The following KLF8 variants were observed in gnomAD, a reference collection of about 807,000 sequenced individuals.
KLF8 encodes the protein Krueppel-like factor 8.
Under a neutral mutation model 18.2 loss-of-function variants are expected in KLF8, and 10 were observed. The observed-to-expected ratio is 0.55, with a 90% CI of 0.34 to 0.93. The LOEUF (loss-of-function observed/expected upper bound fraction) is 0.93. Among genes scored for constraint, KLF8 ranks in the 40% least tolerant of loss-of-function variants. The probability of loss-of-function intolerance (pLI) is 0.02; values close to 1 mark genes in which losing one functional copy is unlikely to be tolerated. For missense variants in KLF8, 264 were observed against 277.9 expected (o/e 0.95, Z 0.36); for synonymous variants, 109 against 97.3 (o/e 1.12, Z -0.71).
the KLF8 span, among the ~76,000 whole-genome samples, chrX:56,207,292 C>T: frequency 1.2e-4 from 14 of 112,665 alleles, no homozygotes; most frequent in African/African-American, 4.2e-4. Context: ...TGAATTTCTC[C>T]TCAGAAAATG....
At chrX:56,132,032 T>C in the KLF8 span, among the ~76,000 whole-genome samples, 25 of 111,186 alleles carry the variant, frequency 2.2e-4, no homozygotes, top group African/African-American at 7.5e-4. Flanking sequence ...GGCAACACAA[T>C]AATAGTGGGG....
At chrX:56,152,442 T>C in the KLF8 span, among the ~76,000 whole-genome samples, 1 of 111,106 alleles carries the variant, frequency 9.0e-6, no homozygotes, top group East Asian at 2.8e-4. Context: ...TAGTGACTTC[T>C]TTGAGACTTT....
At chrX:56,002,550 C>G in the KLF8 span, among the ~76,000 whole-genome samples, 1 of 111,066 alleles carries the variant, frequency 9.0e-6, no homozygotes, top group Non-Finnish European at 1.9e-5. Context: ...TTGTTTCTAG[C>G]ACATGATTGA....
chrX:56,082,949 C>G, the KLF8 span, among the ~76,000 whole-genome samples: 1 of 112,008 alleles, frequency 8.9e-6, no homozygotes, highest in African/African-American at 3.2e-5. Context: ...ATTTTTCTGA[C>G]TACTTTCAAG....
the KLF8 span, among the ~76,000 whole-genome samples, chrX:56,139,422 C>A: frequency 9.0e-6 from 1 of 111,699 alleles, no homozygotes; most frequent in South Asian, 3.7e-4. Context: ...TGACACTAAC[C>A]AAAATAGCAT....
chrX:56,117,711 G>A, the KLF8 span, among the ~76,000 whole-genome samples: 1 of 112,136 alleles, frequency 8.9e-6, no homozygotes, highest in South Asian at 3.7e-4. Context: ...CTGTCTTTTA[G>A]TGTTTCTTCA....
chrX:56,275,365 C>T (rs183635042), intron 5 of KLF8, among the ~76,000 whole-genome samples: 75 of 111,547 alleles, frequency 6.7e-4, no homozygotes, highest in African/African-American at 2.3e-3. Context: ...TATAACTTTA[C>T]TAATTTTTTT....
At chrX:56,147,059 AAAG>A in the KLF8 span, among the ~76,000 whole-genome samples, 23 of 111,917 alleles carry the variant, frequency 2.1e-4, no homozygotes, top group African/African-American at 7.5e-4. Context: ...CTGGTGGAAG[AAAG>A]AAGAAGGTAT....
the KLF8 span, among the ~76,000 whole-genome samples, chrX:55,963,446 C>T: frequency 5.4e-5 from 6 of 111,509 alleles, no homozygotes; most frequent in Non-Finnish European, 9.4e-5. Flanking sequence ...GTGCTGCCAG[C>T]TGGGATCAAG....
chrX:55,983,591 G>T, the KLF8 span, among the ~76,000 whole-genome samples: 1 of 111,989 alleles, frequency 8.9e-6, no homozygotes, highest in Admixed American at 9.5e-5. Flanking sequence ...ATTTCTATTT[G>T]TGGTTGATAA....
chrX:56,244,524 C>T (rs778062749), intron 1 of KLF8, among the ~76,000 whole-genome samples: 10 of 111,530 alleles, frequency 9.0e-5, no homozygotes, highest in Non-Finnish European at 1.7e-4. Context: ...AATAATGGTG[C>T]CTACTACTAG....
chrX:56,102,467 G>C, the KLF8 span, among the ~76,000 whole-genome samples: 1 of 111,282 alleles, frequency 9.0e-6, no homozygotes, highest in Non-Finnish European at 1.9e-5. Flanking sequence ...TTTTAGAATA[G>C]TTTTTTTCCC....
At chrX:55,940,372 G>T in the KLF8 span, among the ~76,000 whole-genome samples, 1 of 111,325 alleles carries the variant, frequency 9.0e-6, no homozygotes, top group Non-Finnish European at 1.9e-5. Flanking sequence ...TTGATGGGAC[G>T]TATCTCAAAA....
the KLF8 span, among the ~76,000 whole-genome samples, chrX:56,165,836 G>T: frequency 9.3e-6 from 1 of 107,992 alleles, no homozygotes; most frequent in Non-Finnish European, 1.9e-5. Flanking sequence ...ACTCCAGGCT[G>T]GGTGACAGAG....
the KLF8 span, among the ~76,000 whole-genome samples, chrX:56,059,534 G>A: frequency 8.9e-6 from 1 of 111,857 alleles, no homozygotes; most frequent in East Asian, 2.8e-4. Context: ...TTTTGTATAA[G>A]GTGTAAGGAA....
chrX:56,218,229 G>A, the KLF8 span, among the ~76,000 whole-genome samples: 86 of 110,544 alleles, frequency 7.8e-4, 1 homozygote, highest in Non-Finnish European at 1.5e-3. Flanking sequence ...ATCAGATAAA[G>A]TATGTAAACT....
At chrX:55,971,329 T>C in the KLF8 span, among the ~76,000 whole-genome samples, 17 of 111,523 alleles carry the variant, frequency 1.5e-4, no homozygotes, top group African/African-American at 5.2e-4. Context: ...GTCTCTTCAA[T>C]AAATTGTGCT....
At chrX:56,170,867 C>T in the KLF8 span, among the ~76,000 whole-genome samples, 1 of 111,492 alleles carries the variant, frequency 9.0e-6, no homozygotes, top group Non-Finnish European at 1.9e-5. Flanking sequence ...CCCAAATAAT[C>T]CTATCTCAAG....
chrX:55,933,973 G>A, the KLF8 span, among the ~76,000 whole-genome samples: 3 of 111,998 alleles, frequency 2.7e-5, no homozygotes, highest in Non-Finnish European at 5.6e-5. Flanking sequence ...ATAAGTTTAT[G>A]TCAATTATAA....
Sources: allele counts gnomAD v4.1 joint callset (sites outside exome capture counted in the v4.1 genomes callset), GRCh38; gene constraint gnomAD v4.1.1; transcripts MANE v1.5; gene names NCBI Gene and HGNC (gene_info 2026-07-23, HGNC 2026-07-21).